The following TMEFF2 variants were observed in gnomAD, a reference collection of about 807,000 sequenced individuals.
The protein encoded by TMEFF2 is transmembrane protein with EGF like and two follistatin like domains 2, also known as tomoregulin-2.
Under a neutral mutation model 53.8 loss-of-function variants are expected in TMEFF2, and 28 were observed. That is an observed-to-expected ratio of 0.52 (90% CI 0.39 to 0.71). The LOEUF (loss-of-function observed/expected upper bound fraction) is 0.71. TMEFF2 is among the 30% of genes least tolerant of loss of function. The probability of loss-of-function intolerance (pLI) is 0.00; values close to 1 mark genes in which losing one functional copy is unlikely to be tolerated. For synonymous variants in TMEFF2, 162 were observed against 166.3 expected, an observed-to-expected ratio of 0.97 and a Z score of 0.20; for missense variants, 353 against 455.2, an observed-to-expected ratio of 0.78 and a Z score of 2.04.
intron 4 of TMEFF2, among the ~76,000 whole-genome samples, chr2:192,162,440 GTACCATAGTGAAGATT>G (rs1477206356): frequency 2.0e-5 from 3 of 152,210 alleles, no homozygotes; most frequent in Admixed American, 1.3e-4. Context: ...ACTTAAACTC[GTACCATAGTGAAGATT>G]TACAACTTTA....
intron 4 of TMEFF2, among the ~76,000 whole-genome samples, chr2:192,113,918 G>A (rs899936698): frequency 1.3e-5 from 2 of 152,100 alleles, no homozygotes; most frequent in African/African-American, 4.8e-5. Flanking sequence ...GCTAACAGTA[G>A]CACAGGGATT....
chr2:192,178,495 C>A (rs1376777272), intron 4 of TMEFF2: 1 of 141,672 alleles, frequency 7.1e-6, no homozygotes, highest in African/African-American at 2.6e-5. Flanking sequence ...ATGCTTGAGT[C>A]TTGACTGCTG....
intron 5 of TMEFF2, among the ~76,000 whole-genome samples, chr2:192,016,544 G>A (rs933804579): frequency 4.6e-5 from 7 of 152,172 alleles, no homozygotes; most frequent in African/African-American, 1.7e-4. Flanking sequence ...GATGAAATAT[G>A]CCAAGGATCC....
chr2:192,194,335 C>T lies in TMEFF2; in HGVS notation c.172+18G>A, dbSNP rs758245264. 1.2e-6 allele frequency: 2 copies of T among 1,612,494 alleles called. No individual in the cohort carries two copies. Among genetic ancestry groups the T allele is most frequent in the Admixed American group, 1.7e-5 (1 of 59,930 alleles). ...TTCTGCGGAGTTAAAGGGTCGGGGA[C>T]GGGGGTTCTGGACTTACCAGAGCAA... is the stretch of plus-strand genomic sequence containing the variant. On this transcript the variant is annotated intron_variant, in intron 1 of 9. Transcript: ENST00000272771. This position sits in a 1 kb window ranked among gnomAD's most constrained non-coding sequence, Gnocchi z 4.2.
At chr2:192,089,228 C>G (rs903348870) in intron 4 of TMEFF2, among the ~76,000 whole-genome samples, 2 of 151,502 alleles carry the variant, frequency 1.3e-5, no homozygotes, top group African/African-American at 4.9e-5. Context: ...ATTTTTAAAT[C>G]CCTTTAGGCT....
intron 4 of TMEFF2, among the ~76,000 whole-genome samples, chr2:192,121,122 A>C (rs988390992): frequency 1.3e-5 from 2 of 152,056 alleles, no homozygotes; most frequent in African/African-American, 4.8e-5. Context: ...GAAAACAAAA[A>C]AAACAAACAT....
chr2:192,095,604 A>T (rs1559124029), intron 4 of TMEFF2, among the ~76,000 whole-genome samples: 1 of 152,174 alleles, frequency 6.6e-6, no homozygotes. Flanking sequence ...CAACAACACA[A>T]ATCCTCATAA....
At chr2:192,168,481 A>G (rs902499518) in intron 4 of TMEFF2, among the ~76,000 whole-genome samples, 1 of 151,074 alleles carries the variant, frequency 6.6e-6, no homozygotes, top group Non-Finnish European at 1.5e-5. Context: ...AATTACCTCA[A>G]TTACAAACAA....
chr2:192,076,142 T>C (rs904633474), intron 4 of TMEFF2, among the ~76,000 whole-genome samples: 2 of 152,104 alleles, frequency 1.3e-5, no homozygotes, highest in African/African-American at 4.8e-5. Context: ...ATAAAATTAC[T>C]AAATTTTGTC....
At chr2:192,161,516 C>G (rs925191062) in intron 4 of TMEFF2, among the ~76,000 whole-genome samples, 2 of 152,204 alleles carry the variant, frequency 1.3e-5, no homozygotes, top group African/African-American at 4.8e-5. Flanking sequence ...CCATGTCCAT[C>G]TAAAGGCAGG....
intron 2 of TMEFF2, among the ~76,000 whole-genome samples, chr2:192,189,555 C>CAA (rs58455898): frequency 4.9e-5 from 2 of 41,108 alleles, no homozygotes; most frequent in African/African-American, 8.3e-5. Context: ...CCAAAAATTC[C>CAA]AAAAAAAAAA....
At chr2:191,966,677 G>A (rs1439085242) in intron 7 of TMEFF2, among the ~76,000 whole-genome samples, 1 of 152,128 alleles carries the variant, frequency 6.6e-6, no homozygotes, top group Non-Finnish European at 1.5e-5. Context: ...TTTCAAAATA[G>A]AAACTAGTAT....
intron 5 of TMEFF2, among the ~76,000 whole-genome samples, chr2:192,052,173 C>A (rs1687788135): frequency 6.6e-6 from 1 of 152,102 alleles, no homozygotes; most frequent in African/African-American, 2.4e-5. Context: ...AGCAAATATA[C>A]CTAATAATTT....
chr2:192,153,327 A>G (rs1176828859), intron 4 of TMEFF2, among the ~76,000 whole-genome samples: 2 of 151,854 alleles, frequency 1.3e-5, no homozygotes, highest in Non-Finnish European at 2.9e-5. Context: ...TGGATTTATA[A>G]TTATTTCCAC....
In TMEFF2 at chr2:192,127,968, CT is replaced by C. The variant is rs531514003; in HGVS notation, c.439+51699del. Among the ~76,000 whole-genome samples, 373 of 152,240 alleles carry C rather than the reference CT, an allele frequency of 2.5e-3. 4 individuals are homozygous for C. The highest frequency in any genetic ancestry group is 8.6e-3 in the African/African-American group (357 of 41,572). ...GTTTTGAGATATGTAGTTCTGGGCT[CT>C]TTTGTAGCTTTTCTTAGCCCTAAGT... On this transcript the variant is annotated intron_variant, in intron 4 of 9. Transcript: ENST00000272771.
intron 4 of TMEFF2, among the ~76,000 whole-genome samples, chr2:192,069,354 CCAAA>C (rs59852183): frequency 0.29 from 43,126 of 151,254 alleles, 6,680 homozygotes; most frequent in Non-Finnish European, 0.37. Flanking sequence ...TCATTCCCAT[CCAAA>C]CAAAGTGTTT....
At chr2:192,110,945 G>C (rs1430637954) in intron 4 of TMEFF2, among the ~76,000 whole-genome samples, 2 of 151,534 alleles carry the variant, frequency 1.3e-5, no homozygotes, top group Non-Finnish European at 2.9e-5. Flanking sequence ...TTTTTGCTTT[G>C]CTCTCATTCT....
intron 4 of TMEFF2, among the ~76,000 whole-genome samples, chr2:192,075,255 A>G (rs1221978986): frequency 2.3e-5 from 3 of 133,296 alleles, no homozygotes; most frequent in Non-Finnish European, 3.2e-5. Context: ...ATCCACTGAG[A>G]TTAATTATTA....
intron 5 of TMEFF2, among the ~76,000 whole-genome samples, chr2:192,043,503 A>G (rs1305665173): frequency 6.6e-6 from 1 of 152,176 alleles, no homozygotes; most frequent in African/African-American, 2.4e-5. Flanking sequence ...CTAGCTCTGA[A>G]CTGACACTAA....
Sources: gnomAD v4.1 joint callset for allele counts (sites outside exome capture counted in the v4.1 genomes callset) on GRCh38, gnomAD v4.1.1 for gene constraint, Gnocchi (gnomAD v3.1) non-coding constraint, MANE v1.5 for transcripts, NCBI Gene and HGNC (gene_info 2026-07-23, HGNC 2026-07-21) for gene names.